NFIA: variants seen among roughly 807,000 people sequenced by gnomAD.
NFIA encodes nuclear factor I A, also known as nuclear factor 1 A-type.
Under a neutral mutation model 62.8 loss-of-function variants are expected in NFIA, and 8 were observed. The ratio of observed to expected loss-of-function variants is 0.13; its 90% CI spans 0.07 to 0.23. The LOEUF is 0.23. Ranked by LOEUF, NFIA falls within the 10% of genes least tolerant of loss-of-function variation. The pLI is 1.00. For missense variants in NFIA, 410 were observed against 642.1 expected (o/e 0.64, Z 3.91); for synonymous variants, 235 against 238.1 (o/e 0.99, Z 0.12).
rs191405313 is a variant in NFIA at position 61,270,445 on chromosome 1, T to C, written c.560-7075T>C. Among the ~76,000 whole-genome samples, 49 of 152,336 alleles carry C rather than the reference T, an allele frequency of 3.2e-4. No individual in the cohort carries two copies. The East Asian group carries it at 8.7e-3, about 27-fold the overall frequency. Reference sequence around the variant, plus strand: ...AGGTGCTACCTGGACTTAAATAGCATGTTTACACTTGATAGAGGGCATTTT... The same window carrying C: ...AGGTGCTACCTGGACTTAAATAGCACGTTTACACTTGATAGAGGGCATTTT... On this transcript the variant is annotated intron_variant, in intron 2 of 10. Transcript: ENST00000403491.
intron 2 of NFIA, among the ~76,000 whole-genome samples, chr1:61,134,771 T>C (rs1452601559): frequency 6.6e-6 from 1 of 152,148 alleles, no homozygotes; most frequent in Non-Finnish European, 1.5e-5. Context: ...GGGAGGATTG[T>C]TTGAGTCCAG....
intron 2 of NFIA, among the ~76,000 whole-genome samples, chr1:61,104,591 C>G (rs1035568788): frequency 6.6e-6 from 1 of 151,924 alleles, no homozygotes; most frequent in Non-Finnish European, 1.5e-5. Flanking sequence ...TTTCTTCCCC[C>G]CAACACATAC....
intron 2 of NFIA, among the ~76,000 whole-genome samples, chr1:61,155,239 G>A (rs923153269): frequency 6.6e-6 from 1 of 152,310 alleles, no homozygotes; most frequent in Admixed American, 6.5e-5. Context: ...AAAGAAAAGT[G>A]TAAAGGTATA....
chr1:61,121,099 T>A (rs1646879934), intron 2 of NFIA, among the ~76,000 whole-genome samples: 1 of 152,198 alleles, frequency 6.6e-6, no homozygotes, highest in Non-Finnish European at 1.5e-5. Flanking sequence ...TGTTACTCAA[T>A]GGAGTGGACT....
intron 5 of NFIA, among the ~76,000 whole-genome samples, chr1:61,357,960 C>A (rs756497128): frequency 6.6e-6 from 1 of 152,118 alleles, no homozygotes; most frequent in Non-Finnish European, 1.5e-5. Flanking sequence ...TAGCAGCAGG[C>A]GGCATTTCAC....
chr1:61,153,067 G>T (rs754328711), intron 2 of NFIA, among the ~76,000 whole-genome samples: 1 of 152,210 alleles, frequency 6.6e-6, no homozygotes, highest in Non-Finnish European at 1.5e-5. Context: ...ATTTAGGCAA[G>T]TCCCTTTACT....
intron 2 of NFIA, among the ~76,000 whole-genome samples, chr1:61,259,598 G>A (rs1656628946): frequency 6.6e-6 from 1 of 152,158 alleles, no homozygotes; most frequent in Non-Finnish European, 1.5e-5. Flanking sequence ...AAAGGATTCT[G>A]ACGTTATCTT....
intron 4 of NFIA, among the ~76,000 whole-genome samples, chr1:61,340,113 G>A (rs145884298): frequency 1.2e-4 from 18 of 152,258 alleles, no homozygotes; most frequent in Admixed American, 2.6e-4. Flanking sequence ...ATTTGGGGCC[G>A]TTTTGATCTC....
chr1:61,081,830 C>G, upstream of NFIA: 2 of 1,498,768 alleles, frequency 1.3e-6, no homozygotes, highest in Non-Finnish European at 8.9e-7. Flanking sequence ...GCCGACGAAT[C>G]TATTCCCACA....
intron 2 of NFIA, among the ~76,000 whole-genome samples, chr1:61,179,805 G>A (rs777145631): frequency 3.9e-5 from 6 of 152,082 alleles, no homozygotes; most frequent in African/African-American, 1.2e-4. Flanking sequence ...GCCCCCTATC[G>A]AGTGCAGAGA....
At chr1:61,354,455 G>C (rs552533971) in intron 5 of NFIA, among the ~76,000 whole-genome samples, 2 of 152,220 alleles carry the variant, frequency 1.3e-5, no homozygotes, top group South Asian at 2.1e-4. Context: ...CTCTGTGGCA[G>C]GCACCATATT....
At chr1:61,390,136 T>C (rs959874422) in intron 7 of NFIA, among the ~76,000 whole-genome samples, 1 of 152,158 alleles carries the variant, frequency 6.6e-6, no homozygotes, top group Non-Finnish European at 1.5e-5. Flanking sequence ...TGTGGACAAC[T>C]ACAGTGGCAT....
chr1:61,201,129 G>C (rs998359561), intron 2 of NFIA, among the ~76,000 whole-genome samples: 1 of 152,138 alleles, frequency 6.6e-6, no homozygotes, highest in Non-Finnish European at 1.5e-5. Context: ...TACTTTCTCA[G>C]ATTTGGCTTT....
chr1:61,204,609 AG>A (rs1248142174), intron 2 of NFIA, among the ~76,000 whole-genome samples: 11 of 152,328 alleles, frequency 7.2e-5, no homozygotes, highest in Middle Eastern at 3.4e-3. Flanking sequence ...CACTAAAATT[AG>A]ATTTAATTTC....
chr1:61,292,217 G>A (rs899667181), intron 3 of NFIA, among the ~76,000 whole-genome samples: 4 of 152,112 alleles, frequency 2.6e-5, no homozygotes, highest in South Asian at 2.1e-4. Flanking sequence ...TTTGGACACC[G>A]CAAATTTGTG....
chr1:61,409,279 G>A (rs576057590), intron 9 of NFIA, among the ~76,000 whole-genome samples: 1 of 152,312 alleles, frequency 6.6e-6, no homozygotes, highest in African/African-American at 2.4e-5. Context: ...TTCTACCGAT[G>A]ACACAGAAAG....
intron 2 of NFIA, among the ~76,000 whole-genome samples, chr1:61,256,306 C>T (rs1028994323): frequency 7.3e-5 from 11 of 151,646 alleles, no homozygotes; most frequent in East Asian, 3.9e-4. Flanking sequence ...TGTGGTGGTG[C>T]GTGCCTGTAA....
chr1:61,089,685 GT>G (rs959067137), intron 2 of NFIA, among the ~76,000 whole-genome samples: 5 of 118,170 alleles, frequency 4.2e-5, no homozygotes, highest in African/African-American at 9.8e-5. Flanking sequence ...AATATTTAAC[GT>G]TTTTTTTTCT....
At chr1:61,283,515 G>A (rs993356298) in intron 3 of NFIA, among the ~76,000 whole-genome samples, 1 of 138,558 alleles carries the variant, frequency 7.2e-6, no homozygotes, top group Non-Finnish European at 1.5e-5. Context: ...CCAGAAGGCA[G>A]AGGTTGCAGT....
Sources: gnomAD v4.1 joint callset for allele counts (sites outside exome capture counted in the v4.1 genomes callset) on GRCh38, gnomAD v4.1.1 for gene constraint, MANE v1.5 for transcripts, NCBI Gene and HGNC (gene_info 2026-07-23, HGNC 2026-07-21) for gene names.